Variants in DCC observed in about 807,000 individuals in gnomAD.
The protein encoded by DCC is DCC netrin 1 receptor.
DCC carries 58 observed loss-of-function variants against 172.5 expected under a neutral mutation model. That is an observed-to-expected ratio of 0.34 (90% CI 0.27 to 0.42). DCC has a LOEUF of 0.42. Ranked by LOEUF, DCC falls within the 10% of genes least tolerant of loss-of-function variation. The pLI, the probability that DCC is intolerant of heterozygous loss-of-function variation, is 1.00. For synonymous variants in DCC, 709 were observed against 644.5 expected, an observed-to-expected ratio of 1.10 and a Z score of -1.52; for missense variants, 1,740 against 1,791.0, an observed-to-expected ratio of 0.97 and a Z score of 0.51.
intron 7 of DCC, among the ~76,000 whole-genome samples, chr18:53,071,418 T>G (rs1289277052): frequency 6.6e-6 from 1 of 152,200 alleles, no homozygotes; most frequent in Non-Finnish European, 1.5e-5. Flanking sequence ...CAATGGTGTT[T>G]TTAAAAATCG....
intron 7 of DCC, among the ~76,000 whole-genome samples, chr18:53,146,155 A>T (rs1158484637): frequency 6.6e-6 from 1 of 152,140 alleles, no homozygotes; most frequent in Non-Finnish European, 1.5e-5. Flanking sequence ...TGGGAGGCAG[A>T]GGTTGCAGTG....
At chr18:52,456,704 C>T (rs1360954576) in intron 1 of DCC, among the ~76,000 whole-genome samples, 3 of 152,074 alleles carry the variant, frequency 2.0e-5, no homozygotes, top group South Asian at 2.1e-4. Flanking sequence ...AAGCTGATGA[C>T]GGTGTGTTGA....
chr18:53,203,776 G>A (rs2055581332), intron 9 of DCC, among the ~76,000 whole-genome samples: 2 of 152,134 alleles, frequency 1.3e-5, no homozygotes, highest in South Asian at 4.1e-4. Flanking sequence ...CAAGCCTGGG[G>A]AAAATACACA....
intron 5 of DCC, among the ~76,000 whole-genome samples, chr18:53,004,929 T>C (rs951922447): frequency 6.6e-6 from 1 of 152,158 alleles, no homozygotes; most frequent in Non-Finnish European, 1.5e-5. Flanking sequence ...AGGTGGGGCC[T>C]AGTAAGAAGT....
chr18:52,368,931 A>G (rs190987321), intron 1 of DCC, among the ~76,000 whole-genome samples: 27 of 152,292 alleles, frequency 1.8e-4, no homozygotes, highest in Admixed American at 1.7e-3. Flanking sequence ...ATCATGATGC[A>G]AATCAAAGTT....
intron 12 of DCC, among the ~76,000 whole-genome samples, chr18:53,241,390 C>T (rs930800107): frequency 5.9e-5 from 9 of 152,116 alleles, no homozygotes; most frequent in African/African-American, 2.2e-4. Context: ...CTCCCCAGTC[C>T]TGCTTTCCCC....
intron 5 of DCC, among the ~76,000 whole-genome samples, chr18:53,022,202 T>C (rs890932007): frequency 1.3e-5 from 2 of 152,168 alleles, no homozygotes; most frequent in Non-Finnish European, 2.9e-5. Context: ...AAATTTGTAA[T>C]AACCTATTTT....
intron 2 of DCC, among the ~76,000 whole-genome samples, chr18:52,867,578 C>T (rs2039248202): frequency 6.6e-6 from 1 of 151,392 alleles, no homozygotes; most frequent in South Asian, 2.1e-4. Context: ...TTTGTTTATT[C>T]AGTGATTTGA....
At chr18:53,406,648 G>T (rs574517073) in intron 19 of DCC, among the ~76,000 whole-genome samples, 1 of 148,684 alleles carries the variant, frequency 6.7e-6, no homozygotes, top group African/African-American at 2.5e-5. Context: ...GTGTTGCAGC[G>T]AGCCGAGATC....
chr18:53,144,092 C>G (rs1467803229), intron 7 of DCC, among the ~76,000 whole-genome samples: 1 of 152,166 alleles, frequency 6.6e-6, no homozygotes, highest in Non-Finnish European at 1.5e-5. Context: ...TTACTTACCA[C>G]CTTCTTCTCT....
At chr18:52,966,043 C>T (rs976716423) in intron 5 of DCC, among the ~76,000 whole-genome samples, 1 of 152,142 alleles carries the variant, frequency 6.6e-6, no homozygotes, top group African/African-American at 2.4e-5. Context: ...TGCTTCTCTC[C>T]ATTGCTAAGA....
intron 8 of DCC, among the ~76,000 whole-genome samples, chr18:53,158,988 C>CAAAAAAAAAAAAAAAAAAAAAAAAAA (rs558049091): frequency 5.7e-5 from 3 of 52,372 alleles, no homozygotes; most frequent in Admixed American, 6.1e-4. Flanking sequence ...GACGCCATCT[C>CAAAAAAAAAAAAAAAAAAAAAAAAAA]AAAAAAAAAA....
At chr18:53,429,235 T>A (rs771758021) in intron 21 of DCC, among the ~76,000 whole-genome samples, 38 of 53,700 alleles carry the variant, frequency 7.1e-4, no homozygotes, top group Non-Finnish European at 2.3e-3. Context: ...ATGCAGTATT[T>A]GTAAACGTTT....
At chr18:52,981,711 C>G (rs1176320559) in intron 5 of DCC, among the ~76,000 whole-genome samples, 1 of 152,122 alleles carries the variant, frequency 6.6e-6, no homozygotes, top group African/African-American at 2.4e-5. Flanking sequence ...TTATGTATAA[C>G]TCACTATAAG....
chr18:53,271,123 A>G (rs935559158), intron 12 of DCC, among the ~76,000 whole-genome samples: 10 of 152,258 alleles, frequency 6.6e-5, no homozygotes, highest in Admixed American at 6.5e-4. Context: ...TTAAACCCAC[A>G]TATCAGCCTA....
At chr18:53,485,397 A>C (rs1471260384) in intron 25 of DCC, among the ~76,000 whole-genome samples, 1 of 152,132 alleles carries the variant, frequency 6.6e-6, no homozygotes, top group Non-Finnish European at 1.5e-5. Context: ...AAATAAAGAC[A>C]AGATTAGGAA....
At chr18:53,123,597 T>TG (rs2043514163) in intron 7 of DCC, among the ~76,000 whole-genome samples, 1 of 152,090 alleles carries the variant, frequency 6.6e-6, no homozygotes, top group Non-Finnish European at 1.5e-5. Context: ...CTAGTTGTAA[T>TG]GTGTTTTTAA....
chr18:52,698,865 T>A (rs2036057058), intron 1 of DCC, among the ~76,000 whole-genome samples: 1 of 150,182 alleles, frequency 6.7e-6, no homozygotes, highest in African/African-American at 2.5e-5. Context: ...CACCTTGGCC[T>A]CCCAAAGTGC....
At chr18:53,209,874 G>A (rs2055719228) in intron 11 of DCC, among the ~76,000 whole-genome samples, 1 of 152,182 alleles carries the variant, frequency 6.6e-6, no homozygotes, top group Admixed American at 6.5e-5. Context: ...AATGTCATAA[G>A]TGAGAAAGAT....
Sources: gnomAD v4.1 joint callset for allele counts (sites outside exome capture counted in the v4.1 genomes callset) on GRCh38, gnomAD v4.1.1 for gene constraint, MANE v1.5 for transcripts, NCBI Gene and HGNC (gene_info 2026-07-23, HGNC 2026-07-21) for gene names.